Variants in SLC71A2 observed in about 807,000 individuals in gnomAD.
SLC71A2 encodes the protein solute carrier family 71 member 2.
chr9:94,403,832 A>G, the SLC71A2 span, among the ~76,000 whole-genome samples: 2 of 152,190 alleles, frequency 1.3e-5, no homozygotes, highest in Non-Finnish European at 2.9e-5. Context: ...GCCAGCACTT[A>G]TCTTCTTATT....
At chr9:94,440,424 A>C in the SLC71A2 span, among the ~76,000 whole-genome samples, 1 of 152,058 alleles carries the variant, frequency 6.6e-6, no homozygotes, top group South Asian at 2.1e-4. Flanking sequence ...GAGCTACTAA[A>C]ATGAATAATT....
the SLC71A2 span, chr9:94,429,349 C>T: frequency 2.7e-6 from 4 of 1,463,718 alleles, no homozygotes; most frequent in Non-Finnish European, 1.8e-6. Context: ...GAAACAAATA[C>T]TATTTGTTCT....
the SLC71A2 span, among the ~76,000 whole-genome samples, chr9:94,451,184 T>G: frequency 6.6e-6 from 1 of 152,160 alleles, no homozygotes; most frequent in South Asian, 2.1e-4. Context: ...AACTTGTGGG[T>G]TGGGGATGGA....
At chr9:94,455,326 G>A in the SLC71A2 span, among the ~76,000 whole-genome samples, 5 of 144,312 alleles carry the variant, frequency 3.5e-5, no homozygotes, top group Non-Finnish European at 7.6e-5. Context: ...GCACCACCAC[G>A]CCTGGCTAAT....
At chr9:94,449,933 G>A in the SLC71A2 span, among the ~76,000 whole-genome samples, 16 of 152,168 alleles carry the variant, frequency 1.1e-4, no homozygotes, top group Non-Finnish European at 2.1e-4. Context: ...GAACCTTGAC[G>A]ACATGCTCAG....
chr9:94,451,561 A>T, the SLC71A2 span: 218,316 of 1,163,128 alleles, frequency 0.19, 23,125 homozygotes, highest in Non-Finnish European at 0.22. Context: ...TAAAAAATTT[A>T]AAAAATATCC....
chr9:94,441,078 G>A, the SLC71A2 span: 1 of 1,601,184 alleles, frequency 6.2e-7, no homozygotes, highest in Non-Finnish European at 8.5e-7. Context: ...AGGAGCACGA[G>A]CGAAGTACAG....
the SLC71A2 span, among the ~76,000 whole-genome samples, chr9:94,377,277 C>CT: frequency 6.6e-6 from 1 of 152,028 alleles, no homozygotes; most frequent in South Asian, 2.1e-4. Context: ...TTGGAATTTC[C>CT]TTACAGCTTG....
chr9:94,395,748 C>T, the SLC71A2 span, among the ~76,000 whole-genome samples: 1 of 152,182 alleles, frequency 6.6e-6, no homozygotes, highest in South Asian at 2.1e-4. Context: ...TCATTCCTGT[C>T]TTAAATCATG....
chr9:94,448,303 T>G, the SLC71A2 span, among the ~76,000 whole-genome samples: 5 of 152,088 alleles, frequency 3.3e-5, no homozygotes, highest in East Asian at 1.9e-4. Context: ...TTAAAAAAAT[T>G]TATACCCTAT....
At chr9:94,382,659 A>AT in the SLC71A2 span, among the ~76,000 whole-genome samples, 1 of 150,436 alleles carries the variant, frequency 6.6e-6, no homozygotes, top group South Asian at 2.1e-4. Flanking sequence ...ATTTCCTTCT[A>AT]TTTTTTCTTT....
At chr9:94,410,052 T>C in the SLC71A2 span, among the ~76,000 whole-genome samples, 1 of 150,874 alleles carries the variant, frequency 6.6e-6, no homozygotes, top group African/African-American at 2.4e-5. Flanking sequence ...ATTTGTGCCT[T>C]TTATTTTTAG....
At chr9:94,458,329 C>G in the SLC71A2 span, 5 of 1,606,200 alleles carry the variant, frequency 3.1e-6, no homozygotes, top group South Asian at 3.4e-5. Flanking sequence ...TAGGAGTTGC[C>G]CAGGGGATCA....
At chr9:94,445,242 A>C in the SLC71A2 span, 3 of 1,383,352 alleles carry the variant, frequency 2.2e-6, no homozygotes, top group East Asian at 7.5e-5. Flanking sequence ...AAGCAAATGA[A>C]AGTATGTATG....
At chr9:94,418,537 G>T in the SLC71A2 span, among the ~76,000 whole-genome samples, 13 of 152,020 alleles carry the variant, frequency 8.6e-5, no homozygotes, top group African/African-American at 2.9e-4. Context: ...CCACCTCCTG[G>T]TTTCAGGCGA....
the SLC71A2 span, among the ~76,000 whole-genome samples, chr9:94,396,385 C>T: frequency 2.6e-5 from 4 of 152,082 alleles, no homozygotes; most frequent in Non-Finnish European, 5.9e-5. Context: ...TGTGGTGGCA[C>T]GCACCTGTAG....
chr9:94,418,151 G>A, the SLC71A2 span, among the ~76,000 whole-genome samples: 1 of 152,148 alleles, frequency 6.6e-6, no homozygotes, highest in Admixed American at 6.5e-5. Flanking sequence ...ATGAGCCACC[G>A]TGCCTGGTCA....
the SLC71A2 span, among the ~76,000 whole-genome samples, chr9:94,455,527 T>A: frequency 6.6e-6 from 1 of 152,118 alleles, no homozygotes; most frequent in East Asian, 1.9e-4. Context: ...CTGTGACTTT[T>A]TACCAGATTA....
At chr9:94,424,898 A>T in the SLC71A2 span, among the ~76,000 whole-genome samples, 1 of 146,886 alleles carries the variant, frequency 6.8e-6, no homozygotes, top group African/African-American at 2.5e-5. Flanking sequence ...TGCCACCACA[A>T]CTGGCTTTTT....
Sources: gnomAD v4.1 joint callset for allele counts (sites outside exome capture counted in the v4.1 genomes callset) on GRCh38, gnomAD v4.1.1 for gene constraint, MANE v1.5 for transcripts, NCBI Gene and HGNC (gene_info 2026-07-23, HGNC 2026-07-21) for gene names.